Variants in ARHGAP18 observed in about 807,000 individuals in gnomAD.
The protein encoded by ARHGAP18 is rho GTPase-activating protein 18.
Under a neutral mutation model 86.2 loss-of-function variants are expected in ARHGAP18, and 67 were observed. The observed-to-expected ratio is 0.78, with a 90% CI of 0.64 to 0.95. The LOEUF (loss-of-function observed/expected upper bound fraction) is 0.95, where lower values mean the gene tolerates loss of function less well. Among genes scored for constraint, ARHGAP18 ranks in the 40% least tolerant of loss-of-function variants. The pLI, the probability that ARHGAP18 is intolerant of heterozygous loss-of-function variation, is 0.00. For missense variants in ARHGAP18, 691 were observed against 780.4 expected (o/e 0.89, Z 1.37); for synonymous variants, 283 against 280.4 (o/e 1.01, Z -0.09).
At chr6:129,699,379 A>G (rs1774675405) in intron 1 of ARHGAP18, among the ~76,000 whole-genome samples, 1 of 152,210 alleles carries the variant, frequency 6.6e-6, no homozygotes, top group Non-Finnish European at 1.5e-5. Context: ...GTAAGATAAA[A>G]CTAGAAGCAG....
At chr6:129,707,742 A>G (rs1336564643) in intron 1 of ARHGAP18, among the ~76,000 whole-genome samples, 1 of 151,102 alleles carries the variant, frequency 6.6e-6, no homozygotes, top group African/African-American at 2.4e-5. Flanking sequence ...AGCTCAAGCA[A>G]TCCACCCACC....
chr6:129,585,345 G>A (rs1328939370), intron 12 of ARHGAP18, among the ~76,000 whole-genome samples: 2 of 152,032 alleles, frequency 1.3e-5, no homozygotes, highest in African/African-American at 4.8e-5. Flanking sequence ...TACAACAGAT[G>A]CCACTAATTT....
chr6:129,618,437 G>A (rs975147790), intron 6 of ARHGAP18, among the ~76,000 whole-genome samples: 4 of 152,130 alleles, frequency 2.6e-5, no homozygotes, highest in Admixed American at 1.3e-4. Flanking sequence ...AAGAGTCCTT[G>A]CTTCAGAATT....
chr6:129,694,430 T>C (rs1774579727), intron 1 of ARHGAP18, among the ~76,000 whole-genome samples: 1 of 152,166 alleles, frequency 6.6e-6, no homozygotes, highest in Non-Finnish European at 1.5e-5. Flanking sequence ...TGAGGTAAGA[T>C]AGCCTCTCCA....
At chr6:129,625,908 A>AT (rs1206369653) in intron 5 of ARHGAP18, among the ~76,000 whole-genome samples, 1 of 83,452 alleles carries the variant, frequency 1.2e-5, no homozygotes, top group Non-Finnish European at 2.3e-5. Context: ...ATATTTATAT[A>AT]TTATATATTA....
chr6:129,638,508 T>C lies in ARHGAP18; in HGVS notation c.438A>G (p.Ala146=). 1 of 1,614,212 alleles carries C rather than the reference T, an allele frequency of 6.2e-7. No homozygotes were observed. The highest frequency in any genetic ancestry group is 8.5e-7 in the Non-Finnish European group (1 of 1,180,038). ...CCGTCTCTACTCGCTTCTGAACTGC[T>C]GCTGCCTGGGTCCGCGTCAATGTTG... ...FLSTLTRTQA[A]AVQKRVETVS... Residue 146 remains alanine, a synonymous_variant, in exon 3 of 15, where the codon GCA becomes GCG. Coordinates refer to ENST00000368149, the MANE Select transcript of ARHGAP18 (RefSeq NM_033515.3).
chr6:129,640,060 A>G lies in ARHGAP18; in HGVS notation c.317-1431T>C, dbSNP rs911839690. The stretch of plus-strand genomic sequence containing the variant: ...ACTGTCTCAAAAAAAAAAAAAAAAA[A>G]AAAACAAACAAAAGTCAGCCATTAT... On this transcript the variant is annotated intron_variant, in intron 2 of 14. Coordinates refer to ENST00000368149, the MANE Select transcript of ARHGAP18 (RefSeq NM_033515.3). 5.7e-4 allele frequency among the ~76,000 whole-genome samples: 86 copies of G among 150,896 alleles called. 2 individuals are homozygous for G. Among genetic ancestry groups the G allele is most frequent in the Non-Finnish European group, 1.2e-3 (80 of 67,654 alleles).
intron 1 of ARHGAP18, among the ~76,000 whole-genome samples, chr6:129,656,042 A>T (rs1415714562): frequency 1.3e-5 from 2 of 152,242 alleles, no homozygotes; most frequent in Non-Finnish European, 2.9e-5. Flanking sequence ...ATAGAACTTG[A>T]GTTCTTGCTT....
chr6:129,626,472 T>C (rs550017412), intron 5 of ARHGAP18, among the ~76,000 whole-genome samples: 8 of 152,100 alleles, frequency 5.3e-5, no homozygotes, highest in East Asian at 3.9e-4. Flanking sequence ...TATATAAGTA[T>C]TTTACATACT....
At chr6:129,650,992 T>A (rs887933316) in intron 1 of ARHGAP18, among the ~76,000 whole-genome samples, 31 of 152,228 alleles carry the variant, frequency 2.0e-4, no homozygotes, top group Non-Finnish European at 5.9e-5. Flanking sequence ...CATTAAATTA[T>A]GTGTTCCTTG....
At chr6:129,690,376 AG>A (rs996528383) in intron 1 of ARHGAP18, among the ~76,000 whole-genome samples, 1 of 152,234 alleles carries the variant, frequency 6.6e-6, no homozygotes, top group African/African-American at 2.4e-5. Flanking sequence ...CAAAAGTGGT[AG>A]ATTATTACCC....
intron 1 of ARHGAP18, among the ~76,000 whole-genome samples, chr6:129,695,019 A>G (rs1270302318): frequency 6.6e-6 from 1 of 152,196 alleles, no homozygotes; most frequent in Non-Finnish European, 1.5e-5. Context: ...AAAATATCTG[A>G]CTAATTCCAA....
chr6:129,689,145 G>A (rs1177131437), intron 1 of ARHGAP18, among the ~76,000 whole-genome samples: 1 of 152,044 alleles, frequency 6.6e-6, no homozygotes, highest in African/African-American at 2.4e-5. Flanking sequence ...TCATCTCTGA[G>A]GCCTTGTCAG....
intron 3 of ARHGAP18, among the ~76,000 whole-genome samples, chr6:129,636,945 T>G (rs1321324807): frequency 1.3e-5 from 2 of 152,220 alleles, no homozygotes; most frequent in African/African-American, 4.8e-5. Flanking sequence ...ACAAGGATCA[T>G]TTATATTCTC....
intron 10 of ARHGAP18, among the ~76,000 whole-genome samples, chr6:129,605,359 T>G (rs1788829909): frequency 1.3e-5 from 2 of 152,150 alleles, no homozygotes; most frequent in Admixed American, 6.6e-5. Flanking sequence ...ATAATTAGAA[T>G]TTGTTTGAGT....
At chr6:129,606,251 T>G (rs1306784029) in intron 9 of ARHGAP18, among the ~76,000 whole-genome samples, 4 of 152,322 alleles carry the variant, frequency 2.6e-5, no homozygotes, top group African/African-American at 7.2e-5. Context: ...TTTTAACTTC[T>G]GCGTGATAAT....
chr6:129,693,222 G>A (rs1010597828), intron 1 of ARHGAP18, among the ~76,000 whole-genome samples: 1 of 152,128 alleles, frequency 6.6e-6, no homozygotes, highest in African/African-American at 2.4e-5. Flanking sequence ...AGATTGTTGG[G>A]GAAGACCTGG....
chr6:129,628,094 G>A (rs1245204394), intron 5 of ARHGAP18, among the ~76,000 whole-genome samples: 1 of 152,124 alleles, frequency 6.6e-6, no homozygotes, highest in Non-Finnish European at 1.5e-5. Flanking sequence ...TTTTGCCTGT[G>A]TGAAATTCTG....
intron 1 of ARHGAP18, among the ~76,000 whole-genome samples, chr6:129,644,394 T>A (rs1393779890): frequency 6.6e-6 from 1 of 152,208 alleles, no homozygotes; most frequent in African/African-American, 2.4e-5. Flanking sequence ...AAAATATATA[T>A]TTTTAAATTT....
Sources: allele counts gnomAD v4.1 joint callset (sites outside exome capture counted in the v4.1 genomes callset), GRCh38; gene constraint gnomAD v4.1.1; transcripts MANE v1.5; gene names NCBI Gene and HGNC (gene_info 2026-07-23, HGNC 2026-07-21).